The following MICAL2 variants were observed in gnomAD, a reference collection of about 807,000 sequenced individuals.
The protein encoded by MICAL2 is microtubule associated monooxygenase, calponin and LIM domain containing 2.
Under a neutral mutation model 127.3 loss-of-function variants are expected in MICAL2, and 77 were observed. The observed-to-expected ratio is 0.60, with a 90% CI of 0.50 to 0.73. The LOEUF (loss-of-function observed/expected upper bound fraction) is 0.73, where lower values mean the gene tolerates loss of function less well. MICAL2 is among the 30% of genes least tolerant of loss of function. MICAL2 has a pLI of 0.00. For missense variants in MICAL2, 1,351 were observed against 1,434.4 expected (o/e 0.94, Z 0.94); for synonymous variants, 570 against 551.1 (o/e 1.03, Z -0.48).
In MICAL2 at chr11:12,110,997, C is replaced by T. The variant is rs995338442; in HGVS notation, c.-149+271C>T. Among the ~76,000 whole-genome samples, 1 of 152,214 alleles carries T rather than the reference C, an allele frequency of 6.6e-6. No homozygotes were observed. Among genetic ancestry groups the T allele is most frequent in the African/African-American group, 2.4e-5 (1 of 41,474 alleles). ...ACGCCGAACTACCTCTTACTCCGCT[C>T]CGCAACACCCAAACCCTGCAGTTCC... On this transcript the variant is annotated intron_variant, in intron 1 of 27. Coordinates refer to ENST00000683283, the MANE Select transcript of MICAL2 (RefSeq NM_001282663.2). The surrounding 1 kb of genome is among the most constrained non-coding windows in gnomAD (Gnocchi z 4.5).
intron 1 of MICAL2, among the ~76,000 whole-genome samples, chr11:12,134,826 C>CA (rs5789713): frequency 0.34 from 51,458 of 149,706 alleles, 9,292 homozygotes; most frequent in Admixed American, 0.4. Context: ...CTTGTCTCTA[C>CA]AAAAAAAAAA....
At chr11:12,268,713 G>A (rs140400645), downstream of MICAL2, among the ~76,000 whole-genome samples, 438 of 152,296 alleles carry the variant, frequency 2.9e-3, 8 homozygotes, top group African/African-American at 0.01. Context: ...CAACTCGGCC[G>A]GGCGCGGTCG....
At chr11:12,199,021 G>A (rs80301249) in intron 3 of MICAL2, among the ~76,000 whole-genome samples, 445 of 152,266 alleles carry the variant, frequency 2.9e-3, no homozygotes, top group African/African-American at 0.01. Flanking sequence ...CACTGAGGTC[G>A]GGCTTCACTG....
At chr11:12,288,319 A>G (rs7122652), downstream of MICAL2, among the ~76,000 whole-genome samples, 128,456 of 152,252 alleles carry the variant, frequency 0.84, 54,963 homozygotes, top group East Asian at 0.94. Flanking sequence ...GGCCCGGACT[A>G]TATGAGTGTA....
rs190033819 is a variant in MICAL2 at position 12,333,999 on chromosome 11, C to T, written c.5515+6733C>T. The stretch of plus-strand genomic sequence containing the variant: ...GAAAAAATGAAATTGAGTCTTGTTT[C>T]GTACCATACAAACAAATCAATTCCA... On this transcript the variant is annotated intron_variant, in intron 32 of 34. Coordinates refer to the MICAL2 transcript ENST00000646065. Among the ~76,000 whole-genome samples the T allele has an allele frequency of 5.2e-4, 79 of 152,134 alleles. 1 individual carries two copies. The East Asian group carries it at 6.2e-3, about 12-fold the overall frequency.
chr11:12,160,606 C>T (rs1182215551), intron 2 of MICAL2, among the ~76,000 whole-genome samples: 1 of 152,238 alleles, frequency 6.6e-6, no homozygotes, highest in Non-Finnish European at 1.5e-5. Context: ...ATGTCCACTG[C>T]CCAGTCTTCT....
At chr11:12,285,347 C>T (rs1404086266) in intron 2 of MICAL2, among the ~76,000 whole-genome samples, 1 of 152,196 alleles carries the variant, frequency 6.6e-6, no homozygotes, top group Non-Finnish European at 1.5e-5. Context: ...TTGCAACTTC[C>T]AGCTGCATGA....
intron 3 of MICAL2, among the ~76,000 whole-genome samples, chr11:12,182,337 G>C (rs1279427600): frequency 6.6e-6 from 1 of 152,144 alleles, no homozygotes; most frequent in Non-Finnish European, 1.5e-5. Context: ...GGTCAGGGGT[G>C]GGGGAGTTGC....
chr11:12,199,859 TG>T (rs1860458386), intron 3 of MICAL2, among the ~76,000 whole-genome samples: 1 of 152,208 alleles, frequency 6.6e-6, no homozygotes, highest in Admixed American at 6.5e-5. Context: ...CTGCAGGTGT[TG>T]GTTCTGCCCT....
downstream of MICAL2, among the ~76,000 whole-genome samples, chr11:12,288,014 G>A (rs531131517): frequency 3.3e-5 from 5 of 152,306 alleles, no homozygotes; most frequent in South Asian, 1.0e-3. Context: ...CTGAGCCCTG[G>A]TCTTCCTTCC....
downstream of MICAL2, among the ~76,000 whole-genome samples, chr11:12,295,050 G>A (rs1863968356): frequency 6.6e-6 from 1 of 152,000 alleles, no homozygotes; most frequent in East Asian, 1.9e-4. Context: ...GTTGAAAAGA[G>A]ACCAATCAAC....
intron 1 of MICAL2, among the ~76,000 whole-genome samples, chr11:12,113,175 A>G (rs1849736350): frequency 6.6e-6 from 1 of 152,230 alleles, no homozygotes; most frequent in Non-Finnish European, 1.5e-5. Context: ...CATTCTTTAC[A>G]TCATTCTATT....
intron 29 of MICAL2, among the ~76,000 whole-genome samples, chr11:12,302,640 C>G (rs1864060217): frequency 6.6e-6 from 1 of 152,034 alleles, no homozygotes. Context: ...CTTTTTCACT[C>G]TCTAATGATG....
chr11:12,316,710 C>G (rs1456305152), intron 29 of MICAL2, among the ~76,000 whole-genome samples: 1 of 152,074 alleles, frequency 6.6e-6, no homozygotes, highest in Non-Finnish European at 1.5e-5. Flanking sequence ...TGTTCACCAG[C>G]TGCCAGACTC....
chr11:12,351,844 G>T (rs1006767161), intron 33 of MICAL2, among the ~76,000 whole-genome samples: 1 of 151,580 alleles, frequency 6.6e-6, no homozygotes, highest in Non-Finnish European at 1.5e-5. Flanking sequence ...TGGCTGGAGT[G>T]CAGTGGTGTG....
intron 2 of MICAL2, among the ~76,000 whole-genome samples, chr11:12,159,524 G>A (rs1854545568): frequency 6.6e-6 from 1 of 152,160 alleles, no homozygotes; most frequent in Admixed American, 6.5e-5. Flanking sequence ...ATTATAATTT[G>A]TCTGTTACAG....
chr11:12,304,007 G>A (rs916082685), intron 29 of MICAL2, among the ~76,000 whole-genome samples: 1 of 152,114 alleles, frequency 6.6e-6, no homozygotes, highest in African/African-American at 2.4e-5. Context: ...TCCAGCCTGG[G>A]CAAGAGACCA....
chr11:12,314,962 C>T (rs922655934), intron 29 of MICAL2, among the ~76,000 whole-genome samples: 9 of 152,074 alleles, frequency 5.9e-5, no homozygotes, highest in Non-Finnish European at 1.2e-4. Context: ...TTTTCTGCAT[C>T]ACAATACTTT....
chr11:12,133,227 G>A (rs1015138283), intron 1 of MICAL2, among the ~76,000 whole-genome samples: 8 of 152,070 alleles, frequency 5.3e-5, no homozygotes, highest in East Asian at 1.9e-4. Context: ...GATTACAGGC[G>A]TGCGCCACCA....
Sources: allele counts gnomAD v4.1 joint callset (sites outside exome capture counted in the v4.1 genomes callset), GRCh38; gene constraint gnomAD v4.1.1; non-coding constraint Gnocchi (gnomAD v3.1); transcripts MANE v1.5; gene names NCBI Gene and HGNC (gene_info 2026-07-23, HGNC 2026-07-21).